CDH6: variants seen among roughly 807,000 people sequenced by gnomAD.
CDH6 encodes cadherin-6.
CDH6 carries 31 observed loss-of-function variants against 78.0 expected under a neutral mutation model. The ratio of observed to expected loss-of-function variants is 0.40; its 90% CI spans 0.30 to 0.54. The LOEUF is 0.54. Among genes scored for constraint, CDH6 ranks in the 20% least tolerant of loss-of-function variants. The probability of loss-of-function intolerance (pLI) is 0.56; values close to 1 mark genes in which losing one functional copy is unlikely to be tolerated. For synonymous variants in CDH6, 376 were observed against 368.8 expected, an observed-to-expected ratio of 1.02 and a Z score of -0.23; for missense variants, 724 against 975.9, an observed-to-expected ratio of 0.74 and a Z score of 3.44.
intron 1 of CDH6, among the ~76,000 whole-genome samples, chr5:31,264,656 T>G (rs1742292276): frequency 6.6e-6 from 1 of 152,196 alleles, no homozygotes; most frequent in Non-Finnish European, 1.5e-5. Flanking sequence ...TCTAAAAAAC[T>G]AACATCAAAT....
In CDH6 at chr5:31,235,548, C is replaced by T. The variant is rs542981035; in HGVS notation, c.-128-31798C>T. 1.9e-4 allele frequency among the ~76,000 whole-genome samples: 29 copies of T among 152,296 alleles called. No homozygotes were observed. The South Asian group carries it at 6.0e-3, about 32-fold the overall frequency. On this transcript the variant is annotated intron_variant, in intron 1 of 11. Transcript: ENST00000265071. Reference sequence around the variant, plus strand: ...ACTAAGTACTCATACAATTTCTCTGCAAGCAGCTACTGACCACGTGGCAGG... The same window carrying T: ...ACTAAGTACTCATACAATTTCTCTGTAAGCAGCTACTGACCACGTGGCAGG...
chr5:31,290,191 C>T (rs1393449284), intron 2 of CDH6, among the ~76,000 whole-genome samples: 1 of 152,138 alleles, frequency 6.6e-6, no homozygotes, highest in African/African-American at 2.4e-5. Context: ...ACCTGGAAGG[C>T]AGTGGTTGCA....
At chr5:31,237,235 C>G (rs769574429) in intron 1 of CDH6, among the ~76,000 whole-genome samples, 23 of 151,780 alleles carry the variant, frequency 1.5e-4, no homozygotes, top group Non-Finnish European at 2.2e-4. Context: ...CCACGTTATC[C>G]CAAGGCTAAA....
chr5:31,227,023 C>T (rs577364906), intron 1 of CDH6, among the ~76,000 whole-genome samples: 2 of 152,272 alleles, frequency 1.3e-5, no homozygotes, highest in South Asian at 4.1e-4. Flanking sequence ...TCCCTGGAAG[C>T]TGCTCAGCTT....
intron 1 of CDH6, among the ~76,000 whole-genome samples, chr5:31,231,946 C>G (rs1741321167): frequency 6.6e-6 from 1 of 152,146 alleles, no homozygotes; most frequent in Non-Finnish European, 1.5e-5. Flanking sequence ...TAGAGTAAGC[C>G]TACTATAATT....
At chr5:31,318,244 A>AT (rs1408410628) in intron 11 of CDH6, 94 of 571,352 alleles carry the variant, frequency 1.6e-4, no homozygotes, top group Middle Eastern at 1.4e-3. Flanking sequence ...TCGTTGTGTA[A>AT]TTTTTTTACT....
intron 6 of CDH6, among the ~76,000 whole-genome samples, chr5:31,302,968 G>GAAAAAGAAAGAAAGA (rs771472132): frequency 8.4e-6 from 1 of 119,024 alleles, no homozygotes; most frequent in Admixed American, 8.6e-5. Context: ...GGAAAGAAAA[G>GAAAAAGAAAGAAAGA]AAAGAAAGAA....
intron 7 of CDH6, among the ~76,000 whole-genome samples, chr5:31,306,667 A>G (rs925626448): frequency 2.0e-5 from 3 of 152,168 alleles, no homozygotes; most frequent in Admixed American, 2.0e-4. Flanking sequence ...TGAGTTCACA[A>G]ATAGATTCTG....
Position 31,253,754 on chromosome 5 carries a change from C to A in CDH6, c.-128-13592C>A, listed in dbSNP as rs552511057. On this transcript the variant is annotated intron_variant, in intron 1 of 11. Transcript: ENST00000265071. Reference sequence around the variant, plus strand: ...TAAACCTGTGGAGCCTTAGAAGAAACCTAACTCAACTATCTCACCTGGAGT... The same window carrying A: ...TAAACCTGTGGAGCCTTAGAAGAAAACTAACTCAACTATCTCACCTGGAGT... Among the ~76,000 whole-genome samples the A allele has an allele frequency of 2.0e-5, 3 of 152,006 alleles. No homozygotes were observed. The East Asian group carries it at 5.8e-4, about 29-fold the overall frequency.
intron 11 of CDH6, among the ~76,000 whole-genome samples, chr5:31,322,444 G>T (rs559852472): frequency 8.5e-5 from 13 of 152,086 alleles, no homozygotes; most frequent in Non-Finnish European, 1.6e-4. Context: ...CAGTTTCAGA[G>T]CATTTTAGGT....
chr5:31,302,840 GAAAGAAAGAAA>G (rs1737833493), intron 6 of CDH6, among the ~76,000 whole-genome samples: 1 of 134,612 alleles, frequency 7.4e-6, no homozygotes, highest in African/African-American at 2.8e-5. Flanking sequence ...AAGAAAGAAA[GAAAGAAAGAAA>G]GAGAAAGAAA....
chr5:31,299,042 C>T (rs1001666023), intron 4 of CDH6, among the ~76,000 whole-genome samples: 2 of 152,140 alleles, frequency 1.3e-5, no homozygotes, highest in African/African-American at 4.8e-5. Flanking sequence ...TGTGGCTTTC[C>T]TAACAATTTC....
Position 31,324,922 on chromosome 5 carries a change from G to GTATA in CDH6, c.*1623_*1626dup, listed in dbSNP as rs144881660. 5.0e-5 allele frequency: 10 copies of GTATA among 199,168 alleles called. No homozygotes were observed. The highest frequency in any genetic ancestry group is 1.9e-4 in the South Asian group (1 of 5,204). The allele number at this position is 199,168 out of a possible 1,614,324, so 12.3% of individuals were successfully genotyped here. A position where few individuals can be genotyped will look rare whatever the true frequency, so the allele number is the denominator to read the frequency against. ...TTTGAAAACCTAAAAGACAGGCTCT[G>GTATA]TATATATATATACTTAAGAATATGC... On this transcript the variant is annotated 3_prime_UTR_variant, in exon 12 of 12. Transcript: ENST00000265071.
chr5:31,267,781 T>C, intron 2 of CDH6, 80 bp downstream of exon 2: 1 of 1,025,702 alleles, frequency 9.7e-7, no homozygotes, highest in Non-Finnish European at 1.5e-6. Flanking sequence ...GGGGAGGATG[T>C]GTACTATTCC....
At chr5:31,220,908 A>AG (rs1407643381) in intron 1 of CDH6, among the ~76,000 whole-genome samples, 4 of 150,808 alleles carry the variant, frequency 2.7e-5, no homozygotes, top group African/African-American at 9.8e-5. Flanking sequence ...TAAGAACTAA[A>AG]GGGATTTTTT....
rs1737428479 is a variant in CDH6 at position 31,292,828 on chromosome 5, T to TATATATATATATGTGTGC, written c.229-1122_229-1121insGTGTGCATATATATATAT. Among the ~76,000 whole-genome samples the TATATATATATATGTGTGC allele has an allele frequency of 2.6e-3, 57 of 21,814 alleles. 1 individual carries two copies. The highest frequency in any genetic ancestry group is 5.8e-3 in the African/African-American group (48 of 8,278). 14.3% of individuals were successfully genotyped at this position (21,814 alleles called of 152,430 possible). ...GCATATATATATATGTGTGCATATA[T>TATATATATATATGTGTGC]ATATATATATATATATATGTGTGCA... On this transcript the variant is annotated intron_variant, in intron 2 of 11. Transcript: ENST00000265071.
Position 31,316,298 on chromosome 5 carries a change from C to T in CDH6, c.1481C>T (p.Thr494Ile), listed in dbSNP as rs866280294. The T allele has an allele frequency of 3.1e-6, 5 of 1,613,290 alleles. No individual in the cohort carries two copies. Among genetic ancestry groups the T allele is most frequent in the Non-Finnish European group, 4.2e-6 (5 of 1,179,570 alleles). ...CCAGAATTTGCTGAGTTCTATGAAA[C>T]TTTTGTCTGTGAAAAAGCAAAGGCA... ...NAPEFAEFYE[T>I]FVCEKAKADQ... Residue 494 changes from threonine (T) to isoleucine (I), a missense_variant, in exon 9 of 12, where the codon ACT becomes ATT. Coordinates refer to ENST00000265071, the MANE Select transcript of CDH6 (RefSeq NM_004932.4).
At chr5:31,235,405 T>G (rs2111863080) in intron 1 of CDH6, among the ~76,000 whole-genome samples, 1 of 152,242 alleles carries the variant, frequency 6.6e-6, no homozygotes, top group South Asian at 2.1e-4. Flanking sequence ...TGATTTCATT[T>G]CAAACTCGAC....
chr5:31,307,976 C>T (rs143804128), intron 7 of CDH6, among the ~76,000 whole-genome samples: 8 of 152,060 alleles, frequency 5.3e-5, no homozygotes, highest in South Asian at 2.1e-4. Flanking sequence ...GGATTTGATA[C>T]GTAGATATAG....
Sources: gnomAD v4.1 joint callset for allele counts (sites outside exome capture counted in the v4.1 genomes callset) on GRCh38, gnomAD v4.1.1 for gene constraint, MANE v1.5 for transcripts, NCBI Gene and HGNC (gene_info 2026-07-23, HGNC 2026-07-21) for gene names.